Variants in SENP7 observed in about 807,000 individuals in gnomAD.
SENP7 encodes SUMO specific peptidase 7.
In SENP7, 64 loss-of-function variants were observed where a neutral mutation model predicts 141.2. The ratio of observed to expected loss-of-function variants is 0.45; its 90% CI spans 0.37 to 0.56. The LOEUF (loss-of-function observed/expected upper bound fraction) is 0.56, where lower values mean the gene tolerates loss of function less well. SENP7 is among the 20% of genes least tolerant of loss of function. The pLI is 0.00. For missense variants in SENP7, 1,025 were observed against 1,212.2 expected, an observed-to-expected ratio of 0.85 and a Z score of 2.29; for synonymous variants, 382 against 426.4, an observed-to-expected ratio of 0.90 and a Z score of 1.28.
intron 3 of SENP7, among the ~76,000 whole-genome samples, chr3:101,466,804 G>A (rs7622461): frequency 2.6e-5 from 4 of 151,976 alleles, no homozygotes; most frequent in South Asian, 2.1e-4. Context: ...TTCCAACTTC[G>A]GTACCTGGTT....
rs2061052192 is a variant in SENP7 at position 101,398,919 on chromosome 3, C to T, written c.619G>A (p.Gly207Ser). 1.2e-6 allele frequency: 2 copies of T among 1,612,114 alleles called. No homozygotes were observed. Among genetic ancestry groups the T allele is most frequent in the African/African-American group, 1.3e-5 (1 of 74,870 alleles). The change falls in exon 6 of 24, where the codon GGC (glycine) becomes AGC (serine). Residue 207 changes from glycine to serine, a missense_variant. By Grantham distance (56) the Gly-to-Ser change is moderately conservative (BLOSUM62 0). Transcript: ENST00000394095. ...QSEQLSSSSD[G>S]SLESYQNLNP... Reference sequence around the variant, plus strand: ...AGATTTTGATAAGATTCTAGGCTGCCATCAGATGATGAAGAAAGTTGCTCT... The same window carrying T: ...AGATTTTGATAAGATTCTAGGCTGCTATCAGATGATGAAGAAAGTTGCTCT...
chr3:101,402,619 A>AAAAAAAG, intron 5 of SENP7, among the ~76,000 whole-genome samples: 1 of 151,362 alleles, frequency 6.6e-6, no homozygotes, highest in Non-Finnish European at 1.5e-5. Flanking sequence ...TCCGTCTCAA[A>AAAAAAAG]AAAAAAAAAA....
At chr3:101,464,272 T>A (rs1461233127) in intron 3 of SENP7, among the ~76,000 whole-genome samples, 1 of 152,126 alleles carries the variant, frequency 6.6e-6, no homozygotes, top group Non-Finnish European at 1.5e-5. Context: ...CATGACCAAA[T>A]TTTAAAAAGC....
At chr3:101,402,616 CAAA>C (rs58525002) in intron 5 of SENP7, among the ~76,000 whole-genome samples, 1 of 93,676 alleles carries the variant, frequency 1.1e-5, no homozygotes, top group Admixed American at 1.4e-4. Flanking sequence ...GACTCCGTCT[CAAA>C]AAAAAAAAAA....
Position 101,341,782 on chromosome 3 carries a change from G to C in SENP7, c.2107-3C>G. On this transcript the variant is annotated splice_polypyrimidine_tract_variant and splice_region_variant and intron_variant, in intron 14 of 23. Transcript: ENST00000394095. Reference sequence around the variant, plus strand: ...TTGGCCGCATCTGTGTTTGAGGGCTGACAGAAAGTGGCAAGAAAAAGGGTC... The same window carrying C: ...TTGGCCGCATCTGTGTTTGAGGGCTCACAGAAAGTGGCAAGAAAAAGGGTC... 1 of 1,582,520 alleles carries C rather than the reference G, an allele frequency of 6.3e-7. No individual in the cohort carries two copies. The highest frequency in any genetic ancestry group is 2.3e-5 in the East Asian group (1 of 44,322).
chr3:101,400,059 G>A (rs1180772078), intron 5 of SENP7, among the ~76,000 whole-genome samples: 2 of 152,136 alleles, frequency 1.3e-5, no homozygotes. Flanking sequence ...TAAAATTAGT[G>A]CAATATTTAC....
intron 5 of SENP7, among the ~76,000 whole-genome samples, chr3:101,415,586 C>G (rs777467516): frequency 8.1e-5 from 12 of 147,914 alleles, no homozygotes; most frequent in Admixed American, 1.4e-4. Flanking sequence ...AAAGCCTAAA[C>G]CTAGCATTAC....
rs143265103 is a variant in SENP7, at chr3:101,506,019, A to ATTTTTTT, written c.41-4901_41-4900insAAAAAAA. On this transcript the variant is annotated intron_variant, in intron 1 of 23. Transcript: ENST00000394095. ...CCACTCATTCACTTATTTATTCCATAATTTTTTTTTTTTTTTTTTGAGACG... is the reference window on the plus strand; with the variant it reads ...CCACTCATTCACTTATTTATTCCATATTTTTTTATTTTTTTTTTTTTTTTTTGAGACG... 1.1e-4 allele frequency among the ~76,000 whole-genome samples: 15 copies of ATTTTTTT among 142,118 alleles called. 1 individual carries two copies. The highest frequency in any genetic ancestry group is 2.2e-4 in the South Asian group (1 of 4,578). 93.2% of individuals were successfully genotyped at this position (142,118 alleles called of 152,430 possible).
chr3:101,375,314 G>A (rs951857402), intron 6 of SENP7, among the ~76,000 whole-genome samples: 4 of 151,838 alleles, frequency 2.6e-5, no homozygotes, highest in African/African-American at 4.8e-5. Context: ...AGGCTGAGGC[G>A]GGCGGATCAC....
At chr3:101,456,404 T>C (rs1363328652) in intron 4 of SENP7, among the ~76,000 whole-genome samples, 5 of 152,266 alleles carry the variant, frequency 3.3e-5, no homozygotes, top group African/African-American at 1.2e-4. Context: ...ATTTGGGTCA[T>C]TATTGTATTT....
At chr3:101,493,780 A>G in intron 3 of SENP7, 93 bp downstream of exon 3, 3 of 716,080 alleles carry the variant, frequency 4.2e-6, no homozygotes, top group African/African-American at 1.8e-5. Context: ...CAAAAAAGGG[A>G]CATATCAGAA....
intron 7 of SENP7, among the ~76,000 whole-genome samples, chr3:101,371,445 C>G (rs1022237138): frequency 2.6e-5 from 4 of 152,046 alleles, no homozygotes; most frequent in Admixed American, 2.6e-4. Context: ...TGTTTTTCTT[C>G]AAGTATCAGT....
At chr3:101,484,627 G>A (rs1419814837) in intron 3 of SENP7, among the ~76,000 whole-genome samples, 1 of 152,180 alleles carries the variant, frequency 6.6e-6, no homozygotes, top group African/African-American at 2.4e-5. Flanking sequence ...AGAAGCTGAA[G>A]GTCTGTTTGC....
chr3:101,366,609 T>C lies in SENP7; in HGVS notation c.1139A>G (p.Asn380Ser). The change falls in exon 9 of 24, where the codon AAT (asparagine) becomes AGT (serine). Residue 380 changes from asparagine to serine, a missense_variant. Asn to Ser is a conservative substitution (Grantham distance 46). Coordinates refer to ENST00000394095, the MANE Select transcript of SENP7 (RefSeq NM_020654.5). ...SLNSQELTLS[N>S]ATKSASAGST... ...ACCGGCAGAGGCACTTTTGGTGGCA[T>C]TACTCAAAGTCAACTCCTGACTGTT... 6.2e-6 allele frequency: 10 copies of C among 1,614,020 alleles called. No homozygotes were observed. Among genetic ancestry groups the C allele is most frequent in the Non-Finnish European group, 8.5e-6 (10 of 1,179,912 alleles).
intron 5 of SENP7, among the ~76,000 whole-genome samples, chr3:101,401,909 G>A (rs541964081): frequency 1.4e-4 from 21 of 151,962 alleles, no homozygotes; most frequent in Admixed American, 1.2e-3. Context: ...ACTTTAGCCT[G>A]GGAGATCAAG....
chr3:101,455,538 TA>T (rs758473130), intron 4 of SENP7, among the ~76,000 whole-genome samples: 2 of 151,250 alleles, frequency 1.3e-5, no homozygotes, highest in South Asian at 2.1e-4. Flanking sequence ...TAATTTGATT[TA>T]AAAAAAAATA....
chr3:101,330,257 G>T, intron 20 of SENP7, 77 bp downstream of exon 20: 1 of 1,084,236 alleles, frequency 9.2e-7, no homozygotes, highest in Non-Finnish European at 1.4e-6. Flanking sequence ...AGCCCACCTA[G>T]CTATGCTCTA....
chr3:101,451,461 C>T (rs904532359), intron 4 of SENP7, among the ~76,000 whole-genome samples: 4 of 152,144 alleles, frequency 2.6e-5, no homozygotes, highest in African/African-American at 7.2e-5. Flanking sequence ...TGCAAAAATC[C>T]TCAATAGAAC....
intron 6 of SENP7, among the ~76,000 whole-genome samples, chr3:101,393,291 G>A (rs2060867454): frequency 6.6e-6 from 1 of 152,012 alleles, no homozygotes; most frequent in Non-Finnish European, 1.5e-5. Flanking sequence ...TGATTTTTTA[G>A]ATTTCACCCA....
Sources: allele counts gnomAD v4.1 joint callset (sites outside exome capture counted in the v4.1 genomes callset), GRCh38; gene constraint gnomAD v4.1.1; transcripts MANE v1.5; gene names NCBI Gene and HGNC (gene_info 2026-07-23, HGNC 2026-07-21).